ARHGAP21: variants seen among roughly 807,000 people sequenced by gnomAD.
The protein encoded by ARHGAP21 is rho GTPase-activating protein 21.
In ARHGAP21, 38 loss-of-function variants were observed where a neutral mutation model predicts 164.6. The observed-to-expected ratio is 0.23, with a 90% confidence interval of 0.18 to 0.30. The LOEUF (loss-of-function observed/expected upper bound fraction) is 0.30. Among genes scored for constraint, ARHGAP21 ranks in the 10% least tolerant of loss-of-function variants. The pLI, the probability that ARHGAP21 is intolerant of heterozygous loss-of-function variation, is 1.00. For missense variants in ARHGAP21, 1,822 were observed against 2,370.7 expected (o/e 0.77, Z 4.81); for synonymous variants, 766 against 857.9 (o/e 0.89, Z 1.87).
At chr10:24,632,739 C>A (rs532026903) in intron 6 of ARHGAP21, among the ~76,000 whole-genome samples, 1 of 152,224 alleles carries the variant, frequency 6.6e-6, no homozygotes, top group African/African-American at 2.4e-5. Flanking sequence ...AGTGATGATC[C>A]GACTAGGCTC....
chr10:24,596,360 A>G (rs947876499), intron 17 of ARHGAP21: 29 of 441,642 alleles, frequency 6.6e-5, no homozygotes, highest in Middle Eastern at 1.2e-3. Context: ...AGGAGAGAGT[A>G]ATATCAATTC....
intron 2 of ARHGAP21, among the ~76,000 whole-genome samples, chr10:24,699,961 T>C (rs1843508118): frequency 1.3e-5 from 2 of 152,214 alleles, no homozygotes; most frequent in South Asian, 4.1e-4. Context: ...AGAAGCTTGC[T>C]GTGAGGGGCA....
intron 14 of ARHGAP21, among the ~76,000 whole-genome samples, chr10:24,599,177 C>G (rs752207633): frequency 4.6e-5 from 7 of 152,348 alleles, no homozygotes; most frequent in East Asian, 1.9e-4. Context: ...ATCCTCCAAA[C>G]AGCCACTATG....
At chr10:24,590,888 G>A (rs1200911365) in intron 24 of ARHGAP21, 2 of 980,236 alleles carry the variant, frequency 2.0e-6, no homozygotes, top group Non-Finnish European at 2.4e-6. Context: ...CACATACTCA[G>A]TAGCATATAT....
chr10:24,710,399 A>C (rs1375448925), intron 2 of ARHGAP21, among the ~76,000 whole-genome samples: 1 of 152,096 alleles, frequency 6.6e-6, no homozygotes, highest in Non-Finnish European at 1.5e-5. Context: ...CTTAGACACA[A>C]TCTTCCCAGG....
chr10:24,601,862 G>GTT (rs542149527), intron 13 of ARHGAP21, 116 bp downstream of exon 13: 57 of 1,044,942 alleles, frequency 5.5e-5, no homozygotes, highest in South Asian at 7.6e-5. Context: ...TTTATAAATG[G>GTT]TTTTTTTTTT....
At chr10:24,601,589 G>C (rs979364232) in intron 13 of ARHGAP21, among the ~76,000 whole-genome samples, 1 of 151,774 alleles carries the variant, frequency 6.6e-6, no homozygotes, top group Non-Finnish European at 1.5e-5. Flanking sequence ...AAGTTATAAA[G>C]GTAATTTAAA....
chr10:24,703,770 G>A (rs1000161542), intron 2 of ARHGAP21, among the ~76,000 whole-genome samples: 6 of 151,730 alleles, frequency 4.0e-5, no homozygotes, highest in Admixed American at 1.3e-4. Context: ...ACTTCTTTCC[G>A]ACCTATACCA....
intron 7 of ARHGAP21, 81 bp from the exon 8 acceptor site, chr10:24,622,843 C>G: frequency 7.1e-7 from 1 of 1,418,214 alleles, no homozygotes; most frequent in Non-Finnish European, 9.8e-7. Flanking sequence ...ATGCTGGAAA[C>G]GGCAAGCTAA....
In ARHGAP21 at chr10:24,585,871, A is replaced by T. The variant is rs780120544; in HGVS notation, c.4418T>A (p.Ile1473Asn). 1 of 1,613,860 alleles carries T rather than the reference A, an allele frequency of 6.2e-7. No individual in the cohort carries two copies. The highest frequency in any genetic ancestry group is 1.3e-5 in the African/African-American group (1 of 74,908). Reference protein sequence around the residue: ...ETLGRKQKIIIAKENSTRKDP... With the variant: ...ETLGRKQKIINAKENSTRKDP... ...TTTCCTAGTGCTGTTTTCTTTGGCA[A>T]TGATGATCTTCTGTTTTCTGCCCAG... The change falls in exon 26 of 26, where the codon ATT becomes AAT. Residue 1473 changes from isoleucine (I) to asparagine (N), a missense_variant. Transcript: ENST00000396432.
chr10:24,589,191 T>C (rs1244020229), intron 25 of ARHGAP21, 80 bp downstream of exon 25: 1 of 1,194,174 alleles, frequency 8.4e-7, no homozygotes, highest in African/African-American at 1.5e-5. Flanking sequence ...TAGAGAGGAA[T>C]GCATTTGTGT....
chr10:24,595,659 G>C, intron 19 of ARHGAP21, 58 bp downstream of exon 19: 2 of 1,519,724 alleles, frequency 1.3e-6, no homozygotes, highest in Non-Finnish European at 1.8e-6. Context: ...ATATTCTATG[G>C]TTTTCCAATT....
chr10:24,701,938 G>A (rs1843706870), intron 2 of ARHGAP21, among the ~76,000 whole-genome samples: 1 of 152,062 alleles, frequency 6.6e-6, no homozygotes, highest in South Asian at 2.1e-4. Flanking sequence ...TGTAATAACA[G>A]CTGTCATTGG....
chr10:24,701,395 A>G (rs1381359330), intron 2 of ARHGAP21, among the ~76,000 whole-genome samples: 3 of 152,104 alleles, frequency 2.0e-5, no homozygotes, highest in Non-Finnish European at 4.4e-5. Flanking sequence ...AAAATTTCCA[A>G]TCATTTTACA....
intron 5 of ARHGAP21, among the ~76,000 whole-genome samples, chr10:24,634,458 A>C (rs1411650693): frequency 6.6e-6 from 1 of 152,222 alleles, no homozygotes; most frequent in Non-Finnish European, 1.5e-5. Flanking sequence ...TGAAATCTCT[A>C]CTTAGGGTTT....
intron 2 of ARHGAP21, among the ~76,000 whole-genome samples, chr10:24,710,218 T>A (rs915657370): frequency 6.6e-6 from 1 of 152,210 alleles, no homozygotes; most frequent in Non-Finnish European, 1.5e-5. Flanking sequence ...AGATATACTA[T>A]ATGTAGAATC....
chr10:24,615,814 G>A (rs571754443), intron 9 of ARHGAP21, among the ~76,000 whole-genome samples: 23 of 152,122 alleles, frequency 1.5e-4, no homozygotes, highest in African/African-American at 4.6e-4. Context: ...CTATTCTGTC[G>A]CCCAGGCTGG....
chr10:24,608,049 G>T, intron 9 of ARHGAP21, 146 bp from the exon 10 acceptor site: 1 of 621,818 alleles, frequency 1.6e-6, no homozygotes, highest in South Asian at 4.0e-5. Context: ...TATTCAGTCT[G>T]CTAAAAATTG....
At chr10:24,718,323 C>T (rs1593395993) in intron 2 of ARHGAP21, among the ~76,000 whole-genome samples, 3 of 152,190 alleles carry the variant, frequency 2.0e-5, no homozygotes, top group East Asian at 1.9e-4. Context: ...CAAAAGTGTT[C>T]GGTAAATAGG....
Sources: allele counts gnomAD v4.1 joint callset (sites outside exome capture counted in the v4.1 genomes callset), GRCh38; gene constraint gnomAD v4.1.1; transcripts MANE v1.5; gene names NCBI Gene and HGNC (gene_info 2026-07-23, HGNC 2026-07-21).